The following SLC5A1 variants were observed in gnomAD, a reference collection of about 807,000 sequenced individuals.
SLC5A1 encodes sodium/glucose cotransporter 1.
SLC5A1 carries 42 observed loss-of-function variants against 73.5 expected under a neutral mutation model. That is an observed-to-expected ratio of 0.57 (90% CI 0.45 to 0.74). SLC5A1 has a LOEUF of 0.74. Ranked by LOEUF, SLC5A1 falls within the 30% of genes least tolerant of loss-of-function variation. The pLI is 0.00. For synonymous variants in SLC5A1, 300 were observed against 317.4 expected (o/e 0.95, Z 0.58); for missense variants, 634 against 855.4 (o/e 0.74, Z 3.23).
chr22:32,083,352 G>C (rs1476857448), intron 7 of SLC5A1, among the ~76,000 whole-genome samples, 198 bp downstream of exon 7: 2 of 152,214 alleles, frequency 1.3e-5, no homozygotes, highest in Non-Finnish European at 2.9e-5. Context: ...ATCCCTGGAA[G>C]ACTGAAGCTG....
At chr22:32,048,597 T>C (rs750062165) in intron 1 of SLC5A1, among the ~76,000 whole-genome samples, 1 of 152,204 alleles carries the variant, frequency 6.6e-6, no homozygotes, top group Non-Finnish European at 1.5e-5. Flanking sequence ...TTCTCCACGC[T>C]GGGTGAGGTT....
rs770081479 is a variant in SLC5A1 at position 32,068,000 on chromosome 22, T to G, written c.346T>G (p.Phe116Val). 1.2e-6 allele frequency: 2 copies of G among 1,614,162 alleles called. No homozygotes were observed. Among genetic ancestry groups the G allele is most frequent in the Non-Finnish European group, 1.7e-6 (2 of 1,180,010 alleles). The change falls in exon 4 of 15, where the codon TTT becomes GTT. Residue 116 changes from phenylalanine (F) to valine (V), a missense_variant. Transcript: ENST00000266088. ...LVLVVVLGWL[F>V]VPIYIKAGVV... ...TTTGGTGGTTGTGCTGGGCTGGCTG[T>G]TTGTCCCCATCTATATTAAGGCTGG... is the stretch of plus-strand genomic sequence containing the variant.
At chr22:32,063,917 T>C (rs1334922807) in intron 2 of SLC5A1, among the ~76,000 whole-genome samples, 1 of 151,430 alleles carries the variant, frequency 6.6e-6, no homozygotes. Context: ...CTCAGGACAT[T>C]CTGATACCCG....
intron 2 of SLC5A1, among the ~76,000 whole-genome samples, chr22:32,054,221 A>G (rs1359832598): frequency 6.6e-6 from 1 of 152,140 alleles, no homozygotes; most frequent in Admixed American, 6.5e-5. Context: ...TCTCCTCCTT[A>G]AGCTGTGAAT....
intron 2 of SLC5A1, among the ~76,000 whole-genome samples, chr22:32,051,623 T>C (rs1339273015): frequency 6.6e-6 from 1 of 152,058 alleles, no homozygotes; most frequent in Non-Finnish European, 1.5e-5. Context: ...ATTACTGCCT[T>C]CCAGCCTGGG....
intron 4 of SLC5A1, 105 bp downstream of exon 4, chr22:32,068,131 CT>C (rs1555963303): frequency 8.8e-7 from 1 of 1,133,360 alleles, no homozygotes; most frequent in Non-Finnish European, 1.3e-6. Context: ...GCAGAAAAAT[CT>C]GTGGATTGGC....
chr22:32,049,162 A>AATCTATATTATATATAATCTAT, intron 1 of SLC5A1, among the ~76,000 whole-genome samples: 1 of 129,038 alleles, frequency 7.7e-6, no homozygotes, highest in Non-Finnish European at 1.6e-5. Flanking sequence ...TATTATATAT[A>AATCTATATTATATATAATCTAT]ATCTATATCT....
chr22:32,051,088 T>C (rs1603103246), intron 2 of SLC5A1, among the ~76,000 whole-genome samples: 1 of 152,146 alleles, frequency 6.6e-6, no homozygotes, highest in East Asian at 1.9e-4. Context: ...AGGCCCCAGG[T>C]ACACAGCCCA....
intron 2 of SLC5A1, among the ~76,000 whole-genome samples, chr22:32,060,132 T>TAC (rs1397847816): frequency 9.8e-6 from 1 of 101,934 alleles, no homozygotes. Flanking sequence ...CATACACACA[T>TAC]ATATATACAC....
At chr22:32,093,255 C>CACAATA (rs2094020926) in intron 11 of SLC5A1, among the ~76,000 whole-genome samples, 1 of 152,084 alleles carries the variant, frequency 6.6e-6, no homozygotes, top group Admixed American at 6.5e-5. Context: ...CAGATTTGTT[C>CACAATA]TTTTTGCTTA....
chr22:32,061,663 G>A (rs925739878), intron 2 of SLC5A1, among the ~76,000 whole-genome samples: 1 of 152,168 alleles, frequency 6.6e-6, no homozygotes, highest in Non-Finnish European at 1.5e-5. Flanking sequence ...TAACAGAGAG[G>A]CAGATTCTTT....
At chr22:32,108,737 TA>T (rs1405464116) in intron 14 of SLC5A1, among the ~76,000 whole-genome samples, 3 of 152,110 alleles carry the variant, frequency 2.0e-5, no homozygotes, top group Non-Finnish European at 2.9e-5. Flanking sequence ...AAGAAGGTAT[TA>T]TTTATCCAAT....
intron 9 of SLC5A1, among the ~76,000 whole-genome samples, 184 bp from the exon 10 acceptor site, chr22:32,086,036 G>A (rs2094007620): frequency 6.6e-6 from 1 of 152,086 alleles, no homozygotes; most frequent in Non-Finnish European, 1.5e-5. Context: ...AGCTACTTGG[G>A]AGGCTGAGGC....
At chr22:32,067,120 C>A (rs2093974770) in intron 3 of SLC5A1, 81 bp downstream of exon 3, 1 of 1,191,618 alleles carries the variant, frequency 8.4e-7, no homozygotes. Context: ...CTCAGAGGAG[C>A]TGAAGATGTT....
At chr22:32,075,070 C>CTTT (rs1045791303) in intron 5 of SLC5A1, among the ~76,000 whole-genome samples, 8 of 107,670 alleles carry the variant, frequency 7.4e-5, no homozygotes, top group Non-Finnish European at 9.8e-5. Flanking sequence ...CTATTTTTTA[C>CTTT]TTTTTTTTTT....
chr22:32,109,372 C>CA (rs945447830), intron 14 of SLC5A1, among the ~76,000 whole-genome samples: 1 of 152,086 alleles, frequency 6.6e-6, no homozygotes, highest in Non-Finnish European at 1.5e-5. Flanking sequence ...GGTGGGTATT[C>CA]AATTTGAGCA....
At chr22:32,068,428 A>G (rs2149488180) in intron 4 of SLC5A1, 68 bp from the exon 5 acceptor site, 2 of 947,632 alleles carry the variant, frequency 2.1e-6, no homozygotes, top group Non-Finnish European at 3.5e-6. Context: ...GGATGGTGTC[A>G]CTGTTCTGTC....
chr22:32,047,939 T>C (rs1028676589), intron 1 of SLC5A1, among the ~76,000 whole-genome samples: 5 of 152,002 alleles, frequency 3.3e-5, no homozygotes, highest in African/African-American at 1.2e-4. Context: ...GGCGGGCAGA[T>C]CACCTGAGAT....
rs567995979 is a variant in SLC5A1 at position 32,098,780 on chromosome 22, A to G, written c.1281-403A>G. 9.9e-5 allele frequency among the ~76,000 whole-genome samples: 15 copies of G among 152,252 alleles called. No homozygotes were observed. In the East Asian group the frequency reaches 2.9e-3, roughly 29 times the overall value. On this transcript the variant is annotated intron_variant, in intron 11 of 14. Transcript: ENST00000266088. ...ATATGTATGTATGCATATGTATAATACATAGCAATATATACTCATGTAGAG... is the reference window on the plus strand; with the variant it reads ...ATATGTATGTATGCATATGTATAATGCATAGCAATATATACTCATGTAGAG...
Sources: gnomAD v4.1 joint callset for allele counts (sites outside exome capture counted in the v4.1 genomes callset) on GRCh38, gnomAD v4.1.1 for gene constraint, MANE v1.5 for transcripts, NCBI Gene and HGNC (gene_info 2026-07-23, HGNC 2026-07-21) for gene names.